The following PTP4A3 variants were observed in gnomAD, a reference collection of about 807,000 sequenced individuals.
PTP4A3 encodes protein tyrosine phosphatase 4A3.
Under a neutral mutation model 15.2 loss-of-function variants are expected in PTP4A3, and 9 were observed. The observed-to-expected ratio is 0.59, with a 90% CI of 0.36 to 1.03. The LOEUF (loss-of-function observed/expected upper bound fraction) is 1.03. PTP4A3 is among the 50% of genes least tolerant of loss of function. The probability of loss-of-function intolerance (pLI) is 0.02; values close to 1 mark genes in which losing one functional copy is unlikely to be tolerated. For missense variants in PTP4A3, 234 were observed against 252.1 expected, an observed-to-expected ratio of 0.93 and a Z score of 0.49; for synonymous variants, 95 against 102.0, an observed-to-expected ratio of 0.93 and a Z score of 0.41.
intron 1 of PTP4A3, among the ~76,000 whole-genome samples, chr8:141,400,892 C>A (rs1433151477): frequency 1.3e-5 from 2 of 152,012 alleles, no homozygotes; most frequent in African/African-American, 4.8e-5. Context: ...AGCATGTGTC[C>A]CCAAGACTTA....
At chr8:141,402,567 C>T (rs1009418314) in intron 1 of PTP4A3, among the ~76,000 whole-genome samples, 73 of 152,182 alleles carry the variant, frequency 4.8e-4, no homozygotes, top group African/African-American at 1.7e-3. Context: ...TTGGCGGCCT[C>T]GCGCCTGTCC....
chr8:141,405,070 C>T (rs1205147613), intron 1 of PTP4A3, among the ~76,000 whole-genome samples: 2 of 152,234 alleles, frequency 1.3e-5, no homozygotes, highest in Admixed American at 6.5e-5. Context: ...TCAGTCAACG[C>T]TCCCTGTCTG....
chr8:141,429,435 C>T lies in PTP4A3; in HGVS notation c.405-1492C>T, dbSNP rs370233440. On this transcript the variant is annotated intron_variant, in intron 5 of 5. Coordinates refer to ENST00000521578, the MANE Select transcript of PTP4A3 (RefSeq NM_032611.3). ...TCAGGTGTGGCTGCAGCATCCTCTC[C>T]AGGAAGTCTTCCTGTTCACCCCAGC... 7.2e-4 allele frequency among the ~76,000 whole-genome samples: 109 copies of T among 152,386 alleles called. 3 individuals carry two copies. The South Asian group carries it at 0.022, about 30-fold the overall frequency.
intron 1 of PTP4A3, among the ~76,000 whole-genome samples, chr8:141,394,746 A>G (rs111924916): frequency 0.044 from 6,754 of 152,310 alleles, 471 homozygotes; most frequent in African/African-American, 0.15. Flanking sequence ...CGCAGGACCC[A>G]TAGGCAGGGA....
intron 1 of PTP4A3, among the ~76,000 whole-genome samples, chr8:141,410,382 C>A (rs1433199312): frequency 6.6e-6 from 1 of 152,192 alleles, no homozygotes; most frequent in Non-Finnish European, 1.5e-5. Flanking sequence ...CTCTGAGGTC[C>A]CCACATCTGT....
At chr8:141,416,737 C>T (rs997247957) in intron 1 of PTP4A3, among the ~76,000 whole-genome samples, 2 of 152,098 alleles carry the variant, frequency 1.3e-5, no homozygotes, top group African/African-American at 4.8e-5. Context: ...GCCCTCCTGT[C>T]CTCTGCTCCC....
intron 1 of PTP4A3, among the ~76,000 whole-genome samples, chr8:141,416,793 G>A (rs1833070066): frequency 6.6e-6 from 1 of 152,044 alleles, no homozygotes; most frequent in African/African-American, 2.4e-5. Flanking sequence ...AGGGTTGCCG[G>A]CACAGCTGGG....
chr8:141,410,659 C>T (rs982495860), intron 1 of PTP4A3, among the ~76,000 whole-genome samples: 19 of 152,058 alleles, frequency 1.2e-4, no homozygotes, highest in African/African-American at 3.4e-4. Context: ...ATCCTACAGA[C>T]GAGCACACTG....
chr8:141,426,503 A>G (rs1456899336), intron 3 of PTP4A3: 1 of 985,284 alleles, frequency 1.0e-6, no homozygotes, highest in Non-Finnish European at 1.2e-6. Context: ...GGCATGTGCC[A>G]GCCATCTTTG....
chr8:141,417,087 G>C (rs758230901), intron 1 of PTP4A3, among the ~76,000 whole-genome samples: 3 of 152,124 alleles, frequency 2.0e-5, no homozygotes, highest in African/African-American at 4.8e-5. Context: ...ATGAGTTCCC[G>C]GCACAATGCT....
rs1833526020 is a variant in PTP4A3 at position 141,425,478 on chromosome 8, A to C, written c.198+338A>C. 6.6e-6 allele frequency among the ~76,000 whole-genome samples: 1 copy of C among 151,210 alleles called. No individual in the cohort carries two copies. Among genetic ancestry groups the C allele is most frequent in the Non-Finnish European group, 1.5e-5 (1 of 67,840 alleles). On this transcript the variant is annotated intron_variant, in intron 3 of 5. Transcript: ENST00000521578. This position sits in a 1 kb window ranked among gnomAD's most constrained non-coding sequence, Gnocchi z 4.2. ...CCTCCTCTGGGCCTGTCTTGGGTGC[A>C]TCTCAGTCTTGCTGCCTGGGCGGCT...
chr8:141,426,601 A>G (rs1833587183), intron 3 of PTP4A3: 1 of 985,354 alleles, frequency 1.0e-6, no homozygotes, highest in African/African-American at 1.7e-5. Flanking sequence ...AGGGATTGTG[A>G]CCCCAGAACC....
chr8:141,409,109 C>T (rs1006814614), intron 1 of PTP4A3, among the ~76,000 whole-genome samples: 1 of 152,196 alleles, frequency 6.6e-6, no homozygotes, highest in Non-Finnish European at 1.5e-5. Context: ...AACATGAAGG[C>T]AGTGTGGCCT....
intron 1 of PTP4A3, among the ~76,000 whole-genome samples, chr8:141,407,260 G>A (rs542529888): frequency 2.0e-5 from 3 of 152,306 alleles, no homozygotes; most frequent in East Asian, 1.9e-4. Context: ...CTTCACACAC[G>A]TGGGCACAAA....
chr8:141,408,987 C>T (rs1474403125), intron 1 of PTP4A3, among the ~76,000 whole-genome samples: 2 of 152,240 alleles, frequency 1.3e-5, no homozygotes, highest in East Asian at 1.9e-4. Flanking sequence ...AGTGTCACCA[C>T]GCCCTGATGT....
chr8:141,407,701 G>A (rs1297635933), intron 1 of PTP4A3, among the ~76,000 whole-genome samples: 1 of 151,736 alleles, frequency 6.6e-6, no homozygotes, highest in African/African-American at 2.4e-5. Context: ...CAAGTAGATG[G>A]GATTACAGGT....
rs1833349662 is a variant in PTP4A3 at position 141,421,948 on chromosome 8, C to A, written c.-293C>A. The stretch of plus-strand genomic sequence containing the variant: ...AGAGACGGGAGTTTGGAGTTGCCCG[C>A]TTTACTTTGGTTGGGTTGGGGGGGG... On this transcript the variant is annotated 5_prime_UTR_variant, in exon 2 of 6. Transcript: ENST00000521578. 2.4e-6 allele frequency: 1 copy of A among 413,098 alleles called. No homozygotes were observed. Among genetic ancestry groups the A allele is most frequent in the Non-Finnish European group, 4.3e-6 (1 of 232,140 alleles). 25.6% of individuals were successfully genotyped at this position (413,098 alleles called of 1,614,324 possible). A position where few individuals can be genotyped will look rare whatever the true frequency, so the allele number is the denominator to read the frequency against.
intron 5 of PTP4A3, among the ~76,000 whole-genome samples, chr8:141,430,364 G>A (rs956409717): frequency 2.7e-5 from 4 of 148,124 alleles, no homozygotes; most frequent in Non-Finnish European, 4.5e-5. Context: ...ACCCGGTGGC[G>A]GGGACAGGGT....
chr8:141,420,775 G>C (rs905349902), intron 1 of PTP4A3, among the ~76,000 whole-genome samples: 2 of 152,240 alleles, frequency 1.3e-5, no homozygotes, highest in Non-Finnish European at 2.9e-5. Flanking sequence ...TGACAGGCAG[G>C]AGACTTTCTG....
Sources: allele counts gnomAD v4.1 joint callset (sites outside exome capture counted in the v4.1 genomes callset), GRCh38; gene constraint gnomAD v4.1.1; non-coding constraint Gnocchi (gnomAD v3.1); transcripts MANE v1.5; gene names NCBI Gene and HGNC (gene_info 2026-07-23, HGNC 2026-07-21).